NCOR1: variants seen among roughly 807,000 people sequenced by gnomAD.
The protein encoded by NCOR1 is protein phosphatase 1, regulatory subunit 109.
Under a neutral mutation model 288.1 loss-of-function variants are expected in NCOR1, and 63 were observed. The observed-to-expected ratio is 0.22, with a 90% CI of 0.18 to 0.27. The LOEUF is 0.27. Ranked by LOEUF, NCOR1 falls within the 10% of genes least tolerant of loss-of-function variation. The pLI is 1.00. For missense variants in NCOR1, 2,397 were observed against 3,019.2 expected, an observed-to-expected ratio of 0.79 and a Z score of 4.83; for synonymous variants, 1,007 against 1,065.9, an observed-to-expected ratio of 0.94 and a Z score of 1.08.
chr17:16,142,027 C>A (rs1018902892), intron 11 of NCOR1, among the ~76,000 whole-genome samples: 2 of 152,090 alleles, frequency 1.3e-5, no homozygotes, highest in African/African-American at 4.8e-5. Context: ...TCACAATTGG[C>A]AATTTTAAGT....
At chr17:16,171,772 A>C in intron 4 of NCOR1, 31 bp downstream of exon 4, 5 of 1,490,542 alleles carry the variant, frequency 3.4e-6, no homozygotes, top group Non-Finnish European at 4.5e-6. Context: ...ACAAACCTAC[A>C]ACTCTACAGG....
At chr17:16,113,373 G>A (rs1437995174) in intron 18 of NCOR1, among the ~76,000 whole-genome samples, 1 of 152,010 alleles carries the variant, frequency 6.6e-6, no homozygotes, top group Non-Finnish European at 1.5e-5. Context: ...GATCTAATCT[G>A]TGGATTACAT....
chr17:16,080,613 T>C lies in NCOR1; in HGVS notation c.3292A>G (p.Lys1098Glu). The change falls in exon 24 of 46, where the codon AAA becomes GAA. Residue 1098 changes from lysine to glutamate, a missense_variant. Lys to Glu is a moderately conservative substitution (Grantham distance 56). Around this residue, in one of 11 missense-constraint regions of NCOR1, gnomAD observed 1,872 missense variants for 2,187.8 expected, o/e 0.86. Coordinates refer to ENST00000268712, the MANE Select transcript of NCOR1 (RefSeq NM_006311.4). ...ACTGTATTAACTCACTGACCTGATT[T>C]GGCAGATTCCTGTTGCCGTGGCAGT... ...LGLPRQQESAKSATLPYIKQE... is the reference protein window; with the variant it reads ...LGLPRQQESAESATLPYIKQE... 4 of 1,614,142 alleles carry C rather than the reference T, an allele frequency of 2.5e-6. No individual in the cohort carries two copies. Among genetic ancestry groups the C allele is most frequent in the Non-Finnish European group, 3.4e-6 (4 of 1,179,996 alleles).
At chr17:16,195,164 C>T (rs185335668) in intron 1 of NCOR1, among the ~76,000 whole-genome samples, 12 of 152,200 alleles carry the variant, frequency 7.9e-5, no homozygotes, top group African/African-American at 2.9e-4. Flanking sequence ...TTCTATGGAC[C>T]TGAAATAGCA....
chr17:16,079,296 CAAAT>C (rs1426168126), intron 26 of NCOR1, among the ~76,000 whole-genome samples: 1 of 152,102 alleles, frequency 6.6e-6, no homozygotes, highest in Non-Finnish European at 1.5e-5. Flanking sequence ...AGTAACTAGA[CAAAT>C]AAAAAACTTG....
intron 3 of NCOR1, among the ~76,000 whole-genome samples, chr17:16,181,882 A>C (rs2085554590): frequency 6.6e-6 from 1 of 152,206 alleles, no homozygotes; most frequent in Admixed American, 6.5e-5. Flanking sequence ...CAAAAGAACA[A>C]TTTGAAATGA....
chr17:16,056,308 CTTTT>C lies in NCOR1; in HGVS notation c.6392+1202_6392+1205del, dbSNP rs71299858. ...GTCTTGTTCTCAGCATTCTTTTTAT[CTTTT>C]TTTTTTTTTTTTTTTTTTGAGACGG... On this transcript the variant is annotated intron_variant, in intron 40 of 45. Coordinates refer to ENST00000268712, the MANE Select transcript of NCOR1 (RefSeq NM_006311.4). Among the ~76,000 whole-genome samples, 10 of 96,002 alleles carry C rather than the reference CTTTT, an allele frequency of 1.0e-4. No individual in the cohort carries two copies. The East Asian group carries it at 1.2e-3, about 11-fold the overall frequency. 63.0% of individuals were successfully genotyped at this position (96,002 alleles called of 152,430 possible).
At chr17:16,204,198 A>G (rs1269460665) in intron 1 of NCOR1, among the ~76,000 whole-genome samples, 2 of 152,240 alleles carry the variant, frequency 1.3e-5, no homozygotes, top group Non-Finnish European at 2.9e-5. Flanking sequence ...ACATTTAGTA[A>G]ATGACAAAAG....
chr17:16,087,063 C>A, intron 22 of NCOR1: 2 of 794,760 alleles, frequency 2.5e-6, no homozygotes, highest in Non-Finnish European at 3.5e-6. Context: ...CATTCTGAAA[C>A]AGCAAGGACA....
chr17:16,193,061 G>A (rs1197501051), intron 2 of NCOR1, among the ~76,000 whole-genome samples: 1 of 152,174 alleles, frequency 6.6e-6, no homozygotes, highest in Non-Finnish European at 1.5e-5. Flanking sequence ...TGGGTGCCAA[G>A]GAGGATGGGG....
chr17:16,147,910 C>G (rs1332005831), intron 9 of NCOR1, among the ~76,000 whole-genome samples: 1 of 152,204 alleles, frequency 6.6e-6, no homozygotes, highest in African/African-American at 2.4e-5. Flanking sequence ...CTCCGCCTCC[C>G]GGGTTCAAGT....
At chr17:16,068,191 C>T (rs1312042166) in intron 31 of NCOR1, 70 bp from the exon 32 acceptor site, 8 of 1,252,892 alleles carry the variant, frequency 6.4e-6, no homozygotes, top group Non-Finnish European at 8.0e-6. Flanking sequence ...GTCCATTTCT[C>T]AACCATTCAA....
chr17:16,093,433 C>T (rs1487535980), intron 21 of NCOR1, among the ~76,000 whole-genome samples: 1 of 152,226 alleles, frequency 6.6e-6, no homozygotes, highest in Non-Finnish European at 1.5e-5. Context: ...TTTCACAGTA[C>T]ACAGTATTTG....
At chr17:16,202,560 T>C (rs1422091114) in intron 1 of NCOR1, among the ~76,000 whole-genome samples, 1 of 152,186 alleles carries the variant, frequency 6.6e-6, no homozygotes, top group East Asian at 1.9e-4. Context: ...AATGTCTAAG[T>C]GGATATTACT....
At chr17:16,103,035 G>A (rs1033788857) in intron 19 of NCOR1, among the ~76,000 whole-genome samples, 5 of 152,022 alleles carry the variant, frequency 3.3e-5, no homozygotes, top group African/African-American at 4.8e-5. Context: ...TCCCCATATC[G>A]TTTATATTGT....
In NCOR1 at chr17:16,058,522, C is replaced by T; in HGVS notation, c.5959G>A (p.Glu1987Lys). The change falls in exon 38 of 46, where the codon GAG (glutamate) becomes AAG (lysine). Residue 1987 changes from glutamate (E) to lysine (K), a missense_variant. Physicochemically the swap from Glu to Lys is moderately conservative, Grantham distance 56 (BLOSUM62 1). This residue lies in a region of NCOR1 where 1,872 missense variants were observed against 2,187.8 expected (regional missense o/e 0.86). Coordinates refer to ENST00000268712, the MANE Select transcript of NCOR1 (RefSeq NM_006311.4). Reference sequence around the variant, plus strand: ...TCTGGCTGATAGGTCTGCAGTTTCTCCTGGGGTGGCGCAGGTGAGCTGGCA... The same window carrying T: ...TCTGGCTGATAGGTCTGCAGTTTCTTCTGGGGTGGCGCAGGTGAGCTGGCA... The part of the protein sequence containing the change: ...SPASSPAPPQ[E>K]KLQTYQPEVV... The T allele has an allele frequency of 6.2e-7, 1 of 1,614,100 alleles. No homozygotes were observed. The highest frequency in any genetic ancestry group is 8.5e-7 in the Non-Finnish European group (1 of 1,180,000).
At chr17:16,195,053 T>C (rs1275460846) in intron 1 of NCOR1, among the ~76,000 whole-genome samples, 2 of 152,232 alleles carry the variant, frequency 1.3e-5, no homozygotes, top group African/African-American at 2.4e-5. Flanking sequence ...AGGGAAGTAT[T>C]GTCTTTATTA....
intron 5 of NCOR1, among the ~76,000 whole-genome samples, chr17:16,162,164 T>A (rs1438207016): frequency 6.6e-6 from 1 of 151,866 alleles, no homozygotes; most frequent in African/African-American, 2.4e-5. Context: ...AAAAACATAG[T>A]TGTTGAAATT....
At chr17:16,113,528 T>TGTCA (rs796462260) in intron 18 of NCOR1, among the ~76,000 whole-genome samples, 31 of 152,332 alleles carry the variant, frequency 2.0e-4, no homozygotes, top group African/African-American at 7.2e-4. Flanking sequence ...ACTCACCAAG[T>TGTCA]GTCACTTCTT....
Sources: allele counts gnomAD v4.1 joint callset (sites outside exome capture counted in the v4.1 genomes callset), GRCh38; gene constraint gnomAD v4.1.1; regional missense constraint gnomAD v4.1.1; transcripts MANE v1.5; gene names NCBI Gene and HGNC (gene_info 2026-07-23, HGNC 2026-07-21).